Variants in SPIDR observed in about 807,000 individuals in gnomAD.
SPIDR encodes the protein DNA repair-scaffolding protein.
A neutral mutation model predicts 104.6 loss-of-function variants in SPIDR; 93 were observed. The observed-to-expected ratio is 0.89, with a 90% CI of 0.75 to 1.06. The LOEUF is 1.06. Among genes scored for constraint, SPIDR ranks in the 50% least tolerant of loss-of-function variants. The pLI is 0.00. For synonymous variants in SPIDR, 431 were observed against 416.9 expected, an observed-to-expected ratio of 1.03 and a Z score of -0.41; for missense variants, 1,154 against 1,111.2, an observed-to-expected ratio of 1.04 and a Z score of -0.55.
At chr8:47,658,957 A>G (rs1219072089) in intron 10 of SPIDR, among the ~76,000 whole-genome samples, 3 of 145,082 alleles carry the variant, frequency 2.1e-5, no homozygotes, top group South Asian at 4.2e-4. Context: ...AAAAAAAAAA[A>G]AAAGAAAAGA....
At chr8:47,375,347 T>A (rs1277333809) in intron 5 of SPIDR, among the ~76,000 whole-genome samples, 1 of 145,342 alleles carries the variant, frequency 6.9e-6, no homozygotes, top group Non-Finnish European at 1.5e-5. Flanking sequence ...CTTCAAGCAG[T>A]TCTCCTGCTT....
chr8:47,281,571 C>T (rs989307011), intron 2 of SPIDR, among the ~76,000 whole-genome samples: 51 of 152,304 alleles, frequency 3.3e-4, no homozygotes, highest in South Asian at 1.0e-3. Flanking sequence ...TTTATTTGTT[C>T]ATTGGTAAGA....
chr8:47,671,336 A>T (rs991334024), intron 10 of SPIDR, among the ~76,000 whole-genome samples: 2 of 152,138 alleles, frequency 1.3e-5, no homozygotes, highest in African/African-American at 4.8e-5. Context: ...TGTAATCCCA[A>T]CACTTTGGGA....
chr8:47,683,541 A>G (rs936540773), intron 11 of SPIDR, among the ~76,000 whole-genome samples: 8 of 152,222 alleles, frequency 5.3e-5, no homozygotes, highest in Admixed American at 6.5e-5. Context: ...CAAGTTGAGC[A>G]TCCCTTTTCT....
intron 5 of SPIDR, among the ~76,000 whole-genome samples, chr8:47,360,244 CAAAAAAAAAAAAAAAA>C (rs1186187617): frequency 2.6e-5 from 1 of 38,960 alleles, no homozygotes; most frequent in African/African-American, 1.3e-4. Context: ...GACTCCATCT[CAAAAAAAAAAAAAAAA>C]AAAAAAAAAA....
intron 7 of SPIDR, among the ~76,000 whole-genome samples, chr8:47,411,045 A>G (rs935590236): frequency 6.6e-6 from 1 of 152,292 alleles, no homozygotes. Context: ...ACATTTTCTT[A>G]ATCCAGTCTA....
chr8:47,527,151 G>T (rs2085126980), intron 8 of SPIDR, among the ~76,000 whole-genome samples: 1 of 152,156 alleles, frequency 6.6e-6, no homozygotes, highest in South Asian at 2.1e-4. Context: ...CATTGTGCTT[G>T]TATCGGGGGA....
Position 47,287,262 on chromosome 8 carries a change from G to A in SPIDR, c.256+3168G>A, listed in dbSNP as rs1047287437. Among the ~76,000 whole-genome samples, 4 of 152,280 alleles carry A rather than the reference G, an allele frequency of 2.6e-5. No homozygotes were observed. The South Asian group carries it at 8.3e-4, about 32-fold the overall frequency. ...ATCACAAGGCAAAGGGCAAAGCAAA[G>A]ATCACAAGGCAAAGGGCAAAGCAAA... On this transcript the variant is annotated intron_variant, in intron 3 of 19. Transcript: ENST00000297423.
intron 8 of SPIDR, among the ~76,000 whole-genome samples, chr8:47,465,856 A>G (rs2074686002): frequency 6.6e-6 from 1 of 152,224 alleles, no homozygotes; most frequent in African/African-American, 2.4e-5. Context: ...AATGGAAAAC[A>G]AAAAGGCAGG....
chr8:47,446,767 A>C (rs181439152), intron 8 of SPIDR, among the ~76,000 whole-genome samples: 2 of 151,868 alleles, frequency 1.3e-5, no homozygotes, highest in African/African-American at 4.8e-5. Flanking sequence ...TTGTATTTTT[A>C]GTAGAGACAG....
chr8:47,628,135 G>T (rs1189971373), intron 10 of SPIDR, among the ~76,000 whole-genome samples: 2 of 152,132 alleles, frequency 1.3e-5, no homozygotes. Flanking sequence ...AATATAGATG[G>T]CTTTCCCTAT....
chr8:47,703,181 C>G (rs1452925295), intron 14 of SPIDR, among the ~76,000 whole-genome samples: 1 of 152,254 alleles, frequency 6.6e-6, no homozygotes, highest in Non-Finnish European at 1.5e-5. Context: ...TGGTTGCATA[C>G]AACCCAATTC....
intron 8 of SPIDR, among the ~76,000 whole-genome samples, chr8:47,558,670 C>G (rs1478076349): frequency 6.6e-6 from 1 of 151,652 alleles, no homozygotes; most frequent in African/African-American, 2.4e-5. Flanking sequence ...GAAGGAGTCT[C>G]GCTCTGTCGC....
At chr8:47,731,117 G>A (rs890089567) in intron 19 of SPIDR, among the ~76,000 whole-genome samples, 1 of 152,146 alleles carries the variant, frequency 6.6e-6, no homozygotes, top group African/African-American at 2.4e-5. Flanking sequence ...AAAGCTGGGT[G>A]TGGTGGTGCG....
intron 8 of SPIDR, among the ~76,000 whole-genome samples, chr8:47,537,674 G>A (rs896190352): frequency 4.6e-5 from 7 of 152,118 alleles, no homozygotes; most frequent in East Asian, 1.9e-4. Flanking sequence ...TGTACAACAC[G>A]AAGAGTGAAC....
intron 11 of SPIDR, among the ~76,000 whole-genome samples, chr8:47,689,342 G>C (rs991995954): frequency 6.6e-6 from 1 of 152,184 alleles, no homozygotes; most frequent in Non-Finnish European, 1.5e-5. Flanking sequence ...TCTCCTTCAG[G>C]TAAAATGAGA....
intron 5 of SPIDR, among the ~76,000 whole-genome samples, chr8:47,318,144 C>A (rs1437026809): frequency 6.6e-6 from 1 of 152,126 alleles, no homozygotes; most frequent in Admixed American, 6.6e-5. Flanking sequence ...TCAAACTACT[C>A]CGAGCTAAAG....
intron 5 of SPIDR, among the ~76,000 whole-genome samples, chr8:47,313,256 C>A (rs2044578441): frequency 1.3e-5 from 2 of 152,102 alleles, no homozygotes; most frequent in South Asian, 2.1e-4. Context: ...AAGCATTCTT[C>A]TAGACCAATA....
intron 8 of SPIDR, chr8:47,511,310 T>G: frequency 7.5e-7 from 1 of 1,335,278 alleles, no homozygotes; most frequent in South Asian, 1.2e-5. Flanking sequence ...TTGGCTTCAT[T>G]TTCTGCCAGT....
Sources: gnomAD v4.1 joint callset for allele counts (sites outside exome capture counted in the v4.1 genomes callset) on GRCh38, gnomAD v4.1.1 for gene constraint, MANE v1.5 for transcripts, NCBI Gene and HGNC (gene_info 2026-07-23, HGNC 2026-07-21) for gene names.